NRG3: variants seen among roughly 807,000 people sequenced by gnomAD.
NRG3 encodes pro-neuregulin-3, membrane-bound isoform.
NRG3 carries 31 observed loss-of-function variants against 66.9 expected under a neutral mutation model. The ratio of observed to expected loss-of-function variants is 0.46; its 90% CI spans 0.35 to 0.63. The LOEUF (loss-of-function observed/expected upper bound fraction) is 0.63. Among genes scored for constraint, NRG3 ranks in the 20% least tolerant of loss-of-function variants. NRG3 has a pLI of 0.00. For missense variants in NRG3, 910 were observed against 878.9 expected, an observed-to-expected ratio of 1.04 and a Z score of -0.45; for synonymous variants, 393 against 359.4, an observed-to-expected ratio of 1.09 and a Z score of -1.06.
At position 82,613,245 on chromosome 10, in the gene NRG3, A is replaced by G. The variant is rs138000350; in HGVS notation, c.954-125332A>G. Among the ~76,000 whole-genome samples, 374 of 152,284 alleles carry G rather than the reference A, an allele frequency of 2.5e-3. 1 individual carries two copies. Among genetic ancestry groups the G allele is most frequent in the African/African-American group, 8.6e-3 (357 of 41,584 alleles). On this transcript the variant is annotated intron_variant, in intron 2 of 8. Coordinates refer to ENST00000372141, the MANE Select transcript of NRG3 (RefSeq NM_001010848.4). ...TCATCATTTTATGCAATGGCAATAC[A>G]TATATTATACAATACATTCCTATTT...
At chr10:82,747,009 G>A (rs2134876942) in intron 3 of NRG3, among the ~76,000 whole-genome samples, 1 of 152,212 alleles carries the variant, frequency 6.6e-6, no homozygotes, top group Admixed American at 6.5e-5. Flanking sequence ...CTTGAGCTCA[G>A]GAGCTCGAGG....
intron 2 of NRG3, among the ~76,000 whole-genome samples, chr10:82,505,969 C>T (rs1340729057): frequency 6.6e-6 from 1 of 152,202 alleles, no homozygotes; most frequent in Non-Finnish European, 1.5e-5. Context: ...TGTGCAAGGG[C>T]CAGGCGCGTG....
At chr10:82,967,003 TTTC>T (rs142598505) in intron 6 of NRG3, among the ~76,000 whole-genome samples, 3,596 of 151,934 alleles carry the variant, frequency 0.024, 132 homozygotes, top group African/African-American at 0.081. Context: ...GAATCAGCCA[TTTC>T]TCCATGGAAA....
chr10:82,366,940 AG>A (rs1185081585), intron 2 of NRG3, among the ~76,000 whole-genome samples: 1 of 152,224 alleles, frequency 6.6e-6, no homozygotes, highest in Non-Finnish European at 1.5e-5. Context: ...ATAATTTAAA[AG>A]GAACATTTTT....
intron 1 of NRG3, among the ~76,000 whole-genome samples, chr10:82,117,964 T>C (rs182302014): frequency 7.1e-4 from 108 of 152,192 alleles, no homozygotes; most frequent in African/African-American, 2.5e-3. Context: ...CTGATAAAAA[T>C]GGTGGTGTAA....
intron 3 of NRG3, among the ~76,000 whole-genome samples, chr10:82,861,328 T>A (rs2064117479): frequency 6.6e-6 from 1 of 152,214 alleles, no homozygotes; most frequent in Admixed American, 6.5e-5. Context: ...ATAAATGCCA[T>A]CTTCCTTGAG....
At chr10:82,710,101 T>C (rs1023161321) in intron 2 of NRG3, among the ~76,000 whole-genome samples, 1 of 152,228 alleles carries the variant, frequency 6.6e-6, no homozygotes, top group Non-Finnish European at 1.5e-5. Flanking sequence ...CTTCCAATTT[T>C]TACAATTAAT....
At chr10:82,757,715 G>A (rs1219756100) in intron 3 of NRG3, among the ~76,000 whole-genome samples, 4 of 152,024 alleles carry the variant, frequency 2.6e-5, no homozygotes, top group Admixed American at 1.3e-4. Context: ...CCACAAGCAG[G>A]CATGCAGCCC....
At chr10:82,316,152 C>T (rs1029529016) in intron 1 of NRG3, among the ~76,000 whole-genome samples, 10 of 151,998 alleles carry the variant, frequency 6.6e-5, no homozygotes, top group African/African-American at 1.5e-4. Flanking sequence ...TCTCAACCCC[C>T]GCGAAAAGAG....
chr10:82,403,254 C>T (rs930930906), intron 2 of NRG3, among the ~76,000 whole-genome samples: 9 of 152,130 alleles, frequency 5.9e-5, no homozygotes, highest in Non-Finnish European at 1.2e-4. Context: ...ATCATTCAAA[C>T]CTTGTAAATC....
chr10:82,490,641 A>ACT (rs1297736974), intron 2 of NRG3, among the ~76,000 whole-genome samples: 1 of 151,770 alleles, frequency 6.6e-6, no homozygotes, highest in East Asian at 1.9e-4. Flanking sequence ...TGCTTTCCAA[A>ACT]CTCTAGACTT....
chr10:82,972,851 T>C (rs531017868), intron 6 of NRG3, among the ~76,000 whole-genome samples: 146 of 152,304 alleles, frequency 9.6e-4, no homozygotes, highest in Non-Finnish European at 1.5e-3. Flanking sequence ...TAATACTGGC[T>C]TCTTTGCTTT....
intron 1 of NRG3, among the ~76,000 whole-genome samples, chr10:82,076,707 G>A (rs1423039977): frequency 6.6e-6 from 1 of 152,142 alleles, no homozygotes; most frequent in African/African-American, 2.4e-5. Flanking sequence ...CTGTTCCCAT[G>A]TGACATGCCA....
intron 1 of NRG3, among the ~76,000 whole-genome samples, chr10:82,254,037 G>A (rs953110565): frequency 1.3e-5 from 2 of 152,144 alleles, no homozygotes; most frequent in African/African-American, 2.4e-5. Flanking sequence ...AGTTTTTCAC[G>A]AAGCCCCCTC....
In NRG3 at chr10:82,333,882, G is replaced by A. The variant is rs545544738; in HGVS notation, c.824-24857G>A. Reference sequence around the variant, plus strand: ...TTCTGTAGTATTGAAGACAGTGGGAGAAGGAAAGAGAGAAAAAGGGATGGG... The same window carrying A: ...TTCTGTAGTATTGAAGACAGTGGGAAAAGGAAAGAGAGAAAAAGGGATGGG... On this transcript the variant is annotated intron_variant, in intron 1 of 8. Transcript: ENST00000372141. Among the ~76,000 whole-genome samples, 255 of 152,268 alleles carry A rather than the reference G, an allele frequency of 1.7e-3. 2 individuals carry two copies. Among genetic ancestry groups the A allele is most frequent in the Non-Finnish European group, 3.8e-4 (26 of 68,010 alleles).
chr10:82,440,632 C>G (rs2090388456), intron 2 of NRG3, among the ~76,000 whole-genome samples: 1 of 151,834 alleles, frequency 6.6e-6, no homozygotes, highest in Admixed American at 6.6e-5. Context: ...GAGATGGTAA[C>G]TTTTTCCTGA....
chr10:82,575,999 GAA>G (rs548289551), intron 2 of NRG3, among the ~76,000 whole-genome samples: 13 of 151,662 alleles, frequency 8.6e-5, no homozygotes, highest in Non-Finnish European at 1.9e-4. Flanking sequence ...CACTACTTTG[GAA>G]GTGACTACAA....
chr10:82,827,204 TAAAAAAAAAAAAA>T (rs5786573), intron 3 of NRG3: 123 of 193,152 alleles, frequency 6.4e-4, no homozygotes, highest in Middle Eastern at 3.1e-3. Context: ...TACCAAATTG[TAAAAAAAAAAAAA>T]AAAAAAAAAA....
intron 2 of NRG3, among the ~76,000 whole-genome samples, chr10:82,666,577 C>G (rs1204803285): frequency 3.3e-5 from 5 of 152,196 alleles, no homozygotes; most frequent in Non-Finnish European, 7.3e-5. Context: ...ATCTCCATTT[C>G]CACCACCATA....
Sources: gnomAD v4.1 joint callset for allele counts (sites outside exome capture counted in the v4.1 genomes callset) on GRCh38, gnomAD v4.1.1 for gene constraint, MANE v1.5 for transcripts, NCBI Gene and HGNC (gene_info 2026-07-23, HGNC 2026-07-21) for gene names.